CDH12: variants seen among roughly 807,000 people sequenced by gnomAD.
CDH12 encodes cadherin 12.
Under a neutral mutation model 74.1 loss-of-function variants are expected in CDH12, and 41 were observed. That is an observed-to-expected ratio of 0.55 (90% CI 0.43 to 0.72). CDH12 has a LOEUF of 0.72. Ranked by LOEUF, CDH12 falls within the 30% of genes least tolerant of loss-of-function variation. CDH12 has a pLI of 0.00. For synonymous variants in CDH12, 399 were observed against 355.0 expected (o/e 1.12, Z -1.39); for missense variants, 945 against 977.2 (o/e 0.97, Z 0.44).
intron 2 of CDH12, among the ~76,000 whole-genome samples, chr5:22,501,965 A>G (rs1488874348): frequency 6.6e-6 from 1 of 152,082 alleles, no homozygotes; most frequent in Non-Finnish European, 1.5e-5. Flanking sequence ...AATGCCCTAA[A>G]GACTTGCTTT....
At chr5:22,217,550 C>T (rs1157568787) in intron 3 of CDH12, among the ~76,000 whole-genome samples, 1 of 151,478 alleles carries the variant, frequency 6.6e-6, no homozygotes, top group African/African-American at 2.4e-5. Flanking sequence ...TTCTTGTTAG[C>T]TCTGATTTAT....
chr5:21,857,764 T>G (rs1330962346), intron 6 of CDH12, among the ~76,000 whole-genome samples: 2 of 151,874 alleles, frequency 1.3e-5, no homozygotes, highest in African/African-American at 2.4e-5. Flanking sequence ...GATATTGTAT[T>G]GGTCAGCTCA....
chr5:22,100,807 T>A (rs1374809582), intron 4 of CDH12, among the ~76,000 whole-genome samples: 2 of 152,128 alleles, frequency 1.3e-5, no homozygotes, highest in Non-Finnish European at 2.9e-5. Context: ...TCCTCCTGAA[T>A]TTCATATACC....
rs1253489713 is a variant in CDH12, at chr5:22,690,208, C to A, written c.-523+162850G>T. On this transcript the variant is annotated intron_variant, in intron 1 of 14. Coordinates refer to ENST00000382254, the MANE Select transcript of CDH12 (RefSeq NM_004061.5). ...AACTGTGTTGTATACCATGAAACAT[C>A]TTTTTGTTTGTCTTTTTGCTTTCCT... Among the ~76,000 whole-genome samples the A allele has an allele frequency of 2.0e-5, 3 of 152,054 alleles. No individual in the cohort carries two copies. In the East Asian group the frequency reaches 5.8e-4, roughly 29 times the overall value.
intron 4 of CDH12, among the ~76,000 whole-genome samples, chr5:22,116,985 T>G (rs1418601887): frequency 1.3e-5 from 2 of 151,798 alleles, no homozygotes; most frequent in African/African-American, 4.8e-5. Flanking sequence ...TTCCTGTTGT[T>G]TCTTGGTCAA....
chr5:21,986,810 C>T (rs1757535344), intron 5 of CDH12, among the ~76,000 whole-genome samples: 1 of 152,008 alleles, frequency 6.6e-6, no homozygotes, highest in Non-Finnish European at 1.5e-5. Flanking sequence ...TTATTGTTAG[C>T]ATTTCATTAT....
chr5:22,850,974 G>A (rs1352622890), intron 1 of CDH12, among the ~76,000 whole-genome samples: 3 of 152,042 alleles, frequency 2.0e-5, no homozygotes, highest in Non-Finnish European at 4.4e-5. Flanking sequence ...ATCCCAGACT[G>A]TTACATGAAA....
intron 3 of CDH12, among the ~76,000 whole-genome samples, chr5:22,230,876 C>T: frequency 6.6e-6 from 1 of 152,090 alleles, no homozygotes; most frequent in Non-Finnish European, 1.5e-5. Context: ...ATAATTCTAA[C>T]TTATTATGTT....
chr5:22,189,354 A>G (rs545125069), intron 4 of CDH12, among the ~76,000 whole-genome samples: 1 of 152,302 alleles, frequency 6.6e-6, no homozygotes, highest in Non-Finnish European at 1.5e-5. Context: ...ATATACCAAC[A>G]TGAGAGGTTG....
At chr5:22,164,483 C>G (rs1364357372) in intron 4 of CDH12, among the ~76,000 whole-genome samples, 1 of 152,254 alleles carries the variant, frequency 6.6e-6, no homozygotes, top group Admixed American at 6.5e-5. Context: ...GGGTCTGTGA[C>G]GGCGGCAAAA....
At chr5:22,673,026 T>G (rs996510433) in intron 1 of CDH12, among the ~76,000 whole-genome samples, 4 of 152,130 alleles carry the variant, frequency 2.6e-5, no homozygotes, top group Non-Finnish European at 5.9e-5. Context: ...TCTTTTCATT[T>G]TTTTTCTCTT....
intron 1 of CDH12, among the ~76,000 whole-genome samples, chr5:22,559,521 T>C (rs1325076961): frequency 2.0e-5 from 3 of 152,084 alleles, no homozygotes; most frequent in African/African-American, 4.8e-5. Flanking sequence ...AAGAGTGCTA[T>C]GAATCTTTCA....
chr5:22,613,247 G>T (rs1338123962), intron 1 of CDH12, among the ~76,000 whole-genome samples: 1 of 152,054 alleles, frequency 6.6e-6, no homozygotes, highest in African/African-American at 2.4e-5. Context: ...TCAAAAAAAA[G>T]TAAGTTTTGG....
chr5:22,415,575 G>A (rs758554095), intron 2 of CDH12, among the ~76,000 whole-genome samples: 13 of 152,198 alleles, frequency 8.5e-5, no homozygotes, highest in Non-Finnish European at 1.8e-4. Flanking sequence ...AAGAAGCCCA[G>A]GCTGGCTTGT....
intron 1 of CDH12, among the ~76,000 whole-genome samples, chr5:22,820,719 C>T (rs918685571): frequency 1.3e-5 from 2 of 152,046 alleles, no homozygotes; most frequent in African/African-American, 2.4e-5. Context: ...CAATAACAGG[C>T]TCTGAAATTG....
At chr5:21,752,689 T>G (rs1027117462) in intron 14 of CDH12, among the ~76,000 whole-genome samples, 1 of 151,954 alleles carries the variant, frequency 6.6e-6, no homozygotes, top group Non-Finnish European at 1.5e-5. Context: ...AAATCTTCAC[T>G]GTGACCATTA....
chr5:22,248,766 T>C (rs1461157742), intron 3 of CDH12, among the ~76,000 whole-genome samples: 1 of 152,188 alleles, frequency 6.6e-6, no homozygotes, highest in African/African-American at 2.4e-5. Flanking sequence ...TGGCTAAATT[T>C]AAAATTATTG....
intron 1 of CDH12, among the ~76,000 whole-genome samples, chr5:22,689,259 G>A (rs570152809): frequency 6.6e-6 from 1 of 152,134 alleles, no homozygotes; most frequent in Non-Finnish European, 1.5e-5. Flanking sequence ...GATGGATAAA[G>A]CATGGCGTGA....
intron 8 of CDH12, among the ~76,000 whole-genome samples, chr5:21,824,008 A>T (rs1748519244): frequency 6.6e-6 from 1 of 152,110 alleles, no homozygotes; most frequent in Non-Finnish European, 1.5e-5. Context: ...TCCTATGTTC[A>T]CTTTAATTCT....
Sources: gnomAD v4.1 joint callset for allele counts (sites outside exome capture counted in the v4.1 genomes callset) on GRCh38, gnomAD v4.1.1 for gene constraint, MANE v1.5 for transcripts, NCBI Gene and HGNC (gene_info 2026-07-23, HGNC 2026-07-21) for gene names.